SLC1A2: variants seen among roughly 807,000 people sequenced by gnomAD.
SLC1A2 encodes excitatory amino acid transporter 2.
Under a neutral mutation model 48.8 loss-of-function variants are expected in SLC1A2, and 15 were observed. The observed-to-expected ratio is 0.31, with a 90% CI of 0.21 to 0.47. The LOEUF (loss-of-function observed/expected upper bound fraction) is 0.47, where lower values mean the gene tolerates loss of function less well. Ranked by LOEUF, SLC1A2 falls within the 20% of genes least tolerant of loss-of-function variation. The probability of loss-of-function intolerance (pLI) is 0.99; values close to 1 mark genes in which losing one functional copy is unlikely to be tolerated. For missense variants in SLC1A2, 502 were observed against 730.5 expected (o/e 0.69, Z 3.61); for synonymous variants, 279 against 272.6 (o/e 1.02, Z -0.23).
At chr11:35,417,913 C>A (rs893235473) in intron 1 of SLC1A2, among the ~76,000 whole-genome samples, 1 of 152,200 alleles carries the variant, frequency 6.6e-6, no homozygotes, top group African/African-American at 2.4e-5. Flanking sequence ...TTAGGAGAAA[C>A]TGGAAAATGC....
intron 1 of SLC1A2, among the ~76,000 whole-genome samples, chr11:35,396,811 ATAAG>A (rs1402757350): frequency 6.6e-6 from 1 of 152,136 alleles, no homozygotes; most frequent in African/African-American, 2.4e-5. Context: ...CCTTAAGCTG[ATAAG>A]CAACTTCAGC....
intron 1 of SLC1A2, chr11:35,322,833 G>A (rs1852117270): frequency 1.5e-6 from 1 of 686,366 alleles, no homozygotes. Context: ...CCACATCCAG[G>A]GTTTCCCCCA....
chr11:35,297,193 C>T (rs1851201817), intron 6 of SLC1A2, among the ~76,000 whole-genome samples: 1 of 152,120 alleles, frequency 6.6e-6, no homozygotes, highest in African/African-American at 2.4e-5. Context: ...CAAGAACCTC[C>T]ATCCTCAAAA....
At chr11:35,354,662 A>G (rs1317007732) in intron 1 of SLC1A2, among the ~76,000 whole-genome samples, 3 of 152,086 alleles carry the variant, frequency 2.0e-5, no homozygotes, top group Admixed American at 6.6e-5. Context: ...CCAAATGCCA[A>G]TAGGGCCGAG....
At chr11:35,346,279 G>A (rs1451544457) in intron 1 of SLC1A2, among the ~76,000 whole-genome samples, 8 of 152,110 alleles carry the variant, frequency 5.3e-5, no homozygotes, top group Admixed American at 5.2e-4. Context: ...CCCACCTCCT[G>A]CTGTTCTGGG....
At chr11:35,333,466 T>C (rs1852502803) in intron 1 of SLC1A2, among the ~76,000 whole-genome samples, 1 of 149,710 alleles carries the variant, frequency 6.7e-6, no homozygotes, top group South Asian at 2.1e-4. Context: ...AAAGAAAACA[T>C]AACTTTTACC....
At chr11:35,364,319 A>G (rs1009501822) in intron 1 of SLC1A2, among the ~76,000 whole-genome samples, 2 of 152,216 alleles carry the variant, frequency 1.3e-5, no homozygotes, top group Non-Finnish European at 2.9e-5. Context: ...TCATCTACCC[A>G]TGTAGACTCA....
At chr11:35,306,018 C>T (rs577960090) in intron 5 of SLC1A2, 56 bp downstream of exon 5, 3 of 1,532,960 alleles carry the variant, frequency 2.0e-6, no homozygotes, top group South Asian at 2.3e-5. Context: ...AAAGGGAGTG[C>T]AGGATAGCCC....
At chr11:35,326,912 AG>A (rs372686327) in intron 1 of SLC1A2, among the ~76,000 whole-genome samples, 94 of 152,320 alleles carry the variant, frequency 6.2e-4, no homozygotes, top group African/African-American at 2.2e-3. Flanking sequence ...CTTAGTATAA[AG>A]GAGATTCTCA....
Position 35,256,419 on chromosome 11 carries a change from T to C in SLC1A2, c.*4475A>G, listed in dbSNP as rs1266199806. 1 of 152,454 alleles carries C rather than the reference T, an allele frequency of 6.6e-6. No homozygotes were observed. The highest frequency in any genetic ancestry group is 1.5e-5 in the Non-Finnish European group (1 of 68,014). The allele number at this position is 152,454 out of a possible 1,614,324, so 9.4% of individuals were successfully genotyped here. A position where few individuals can be genotyped will look rare whatever the true frequency, so the allele number is the denominator to read the frequency against. Reference sequence around the variant, plus strand: ...AAATTTGGTTTTCTTTTAGGGAAAATCATAAGAAAATGTGTCATGAGCAGC... The same window carrying C: ...AAATTTGGTTTTCTTTTAGGGAAAACCATAAGAAAATGTGTCATGAGCAGC... On this transcript the variant is annotated 3_prime_UTR_variant, in exon 11 of 11. Transcript: ENST00000278379.
chr11:35,377,087 C>T (rs957016076), intron 1 of SLC1A2, among the ~76,000 whole-genome samples: 2 of 152,154 alleles, frequency 1.3e-5, no homozygotes, highest in African/African-American at 2.4e-5. Context: ...TTCCAATGTG[C>T]GGGGCACTGA....
chr11:35,292,524 A>G lies in SLC1A2; in HGVS notation c.858-4T>C. ...GGCGATACCCAGGGGAGAGTACCTG[A>G]AAAACACAAAAGGGAAAAACAGCAT... On this transcript the variant is annotated splice_region_variant and splice_polypyrimidine_tract_variant and intron_variant, in intron 6 of 10. Transcript: ENST00000278379. The G allele has an allele frequency of 6.3e-7, 1 of 1,591,018 alleles. No individual in the cohort carries two copies. Among genetic ancestry groups the G allele is most frequent in the Non-Finnish European group, 8.6e-7 (1 of 1,159,974 alleles).
At chr11:35,267,683 T>C (rs191940870) in intron 9 of SLC1A2, among the ~76,000 whole-genome samples, 299 of 152,228 alleles carry the variant, frequency 2.0e-3, no homozygotes, top group African/African-American at 6.6e-3. Context: ...TACTCCACTA[T>C]ACTTTCAATC....
chr11:35,334,862 T>A (rs1163825838), intron 1 of SLC1A2, among the ~76,000 whole-genome samples: 1 of 90,952 alleles, frequency 1.1e-5, no homozygotes, highest in Non-Finnish European at 2.0e-5. Flanking sequence ...TTGTTTTGTT[T>A]TGTTTTGTTT....
At chr11:35,416,663 TTGAAAGCATATAACTATA>T (rs1371348140) in intron 1 of SLC1A2, among the ~76,000 whole-genome samples, 2 of 152,230 alleles carry the variant, frequency 1.3e-5, no homozygotes, top group Admixed American at 1.3e-4. Flanking sequence ...AATATATAAA[TTGAAAGCATATAACTATA>T]TTGCTATTTT....
At chr11:35,377,393 C>A (rs1263148647) in intron 1 of SLC1A2, among the ~76,000 whole-genome samples, 1 of 152,220 alleles carries the variant, frequency 6.6e-6, no homozygotes, top group Admixed American at 6.5e-5. Flanking sequence ...GAGTGGGCTG[C>A]AGGTCAGCCA....
chr11:35,370,732 T>C (rs979408176), intron 1 of SLC1A2, among the ~76,000 whole-genome samples: 1 of 151,946 alleles, frequency 6.6e-6, no homozygotes, highest in African/African-American at 2.4e-5. Flanking sequence ...AGAGGCTGTC[T>C]CACTGGAGGC....
intron 5 of SLC1A2, among the ~76,000 whole-genome samples, chr11:35,304,529 C>T (rs982794762): frequency 5.9e-5 from 9 of 152,124 alleles, no homozygotes; most frequent in African/African-American, 1.9e-4. Context: ...CTCCTTCCAC[C>T]TCTCACCTCC....
At chr11:35,276,909 T>C (rs1452383266) in intron 9 of SLC1A2, among the ~76,000 whole-genome samples, 2 of 152,216 alleles carry the variant, frequency 1.3e-5, no homozygotes, top group African/African-American at 4.8e-5. Context: ...GGGTAATTTA[T>C]ATAGAACAGA....
Sources: allele counts gnomAD v4.1 joint callset (sites outside exome capture counted in the v4.1 genomes callset), GRCh38; gene constraint gnomAD v4.1.1; transcripts MANE v1.5; gene names NCBI Gene and HGNC (gene_info 2026-07-23, HGNC 2026-07-21).